ANK3: variants seen among roughly 807,000 people sequenced by gnomAD.
The protein encoded by ANK3 is ankyrin 3.
A neutral mutation model predicts 370.9 loss-of-function variants in ANK3; 57 were observed. That is an observed-to-expected ratio of 0.15 (90% CI 0.12 to 0.19). The LOEUF is 0.19. ANK3 is among the 10% of genes least tolerant of loss of function. The pLI, the probability that ANK3 is intolerant of heterozygous loss-of-function variation, is 1.00. For missense variants in ANK3, 4,439 were observed against 5,302.1 expected (o/e 0.84, Z 5.06); for synonymous variants, 1,929 against 1,946.3 (o/e 0.99, Z 0.23).
intron 2 of ANK3, among the ~76,000 whole-genome samples, chr10:60,425,926 T>C (rs1438162730): frequency 6.6e-6 from 1 of 152,142 alleles, no homozygotes; most frequent in Non-Finnish European, 1.5e-5. Flanking sequence ...CTTTAGGTTC[T>C]CTAGGTCTCA....
chr10:60,682,519 G>T (rs74155686), intron 1 of ANK3, among the ~76,000 whole-genome samples: 1,790 of 152,064 alleles, frequency 0.012, 34 homozygotes, highest in African/African-American at 0.041. Flanking sequence ...GTGTTAGGCC[G>T]CAGGCACAGG....
intron 4 of ANK3, among the ~76,000 whole-genome samples, chr10:60,276,924 G>T (rs902364604): frequency 6.6e-6 from 1 of 152,190 alleles, no homozygotes; most frequent in African/African-American, 2.4e-5. Flanking sequence ...TGCTTCTATT[G>T]TAGTAAGCTG....
intron 42 of ANK3, chr10:60,050,633 C>G (rs1350203267): frequency 6.6e-6 from 1 of 152,192 alleles, no homozygotes; most frequent in African/African-American, 2.4e-5. Flanking sequence ...GTTCTCTGAA[C>G]TCAATTATTC....
chr10:60,733,333 T>C (rs2080055099), exon 1 of ANK3: 3 of 1,233,518 alleles, frequency 2.4e-6, no homozygotes, highest in South Asian at 8.2e-5. Flanking sequence ...GTGGGGCTGC[T>C]GCTGCTGCTC....
chr10:60,623,585 A>G (rs1182386316), intron 1 of ANK3, among the ~76,000 whole-genome samples: 1 of 152,246 alleles, frequency 6.6e-6, no homozygotes, highest in Non-Finnish European at 1.5e-5. Flanking sequence ...AGGGACAAAA[A>G]TGCATTAATA....
At chr10:60,559,929 G>A (rs1391081521) in intron 2 of ANK3, among the ~76,000 whole-genome samples, 1 of 152,082 alleles carries the variant, frequency 6.6e-6, no homozygotes, top group Non-Finnish European at 1.5e-5. Context: ...TATAATCCCA[G>A]CTACTCAGGA....
rs189927213 is a variant in ANK3 at position 60,401,125 on chromosome 10, T to C, written c.97-121486A>G. Reference sequence around the variant, plus strand: ...CATTATGCTAAGTGAAATAAGTCAGTCACAGAAAGACAAATACTGCATGAT... The same window carrying C: ...CATTATGCTAAGTGAAATAAGTCAGCCACAGAAAGACAAATACTGCATGAT... On this transcript the variant is annotated intron_variant, in intron 2 of 43. Coordinates refer to the ANK3 transcript ENST00000373827. Among the ~76,000 whole-genome samples the C allele has an allele frequency of 2.0e-5, 3 of 152,232 alleles. No homozygotes were observed. The East Asian group carries it at 5.8e-4, about 29-fold the overall frequency.
chr10:60,642,178 T>C (rs1179869271), intron 1 of ANK3, among the ~76,000 whole-genome samples: 4 of 151,278 alleles, frequency 2.6e-5, no homozygotes, highest in African/African-American at 4.9e-5. Flanking sequence ...TTTTACACTG[T>C]TGGTGGGACT....
chr10:60,697,555 G>T (rs1327621436), intron 1 of ANK3, among the ~76,000 whole-genome samples: 3 of 146,656 alleles, frequency 2.0e-5, no homozygotes, highest in East Asian at 2.0e-4. Flanking sequence ...CCAAAACAGA[G>T]ATATAGATCA....
intron 1 of ANK3, among the ~76,000 whole-genome samples, chr10:60,701,313 T>G (rs747865993): frequency 1.3e-5 from 2 of 151,812 alleles, no homozygotes; most frequent in Admixed American, 6.6e-5. Flanking sequence ...ACAGTCTCAA[T>G]GAAAGGGAAT....
At chr10:60,686,550 T>C (rs1589026119) in intron 1 of ANK3, among the ~76,000 whole-genome samples, 1 of 152,162 alleles carries the variant, frequency 6.6e-6, no homozygotes, top group East Asian at 1.9e-4. Context: ...AACAAATACT[T>C]GTATAGTACT....
chr10:60,276,889 G>C (rs1211961996), intron 4 of ANK3, among the ~76,000 whole-genome samples: 3 of 152,158 alleles, frequency 2.0e-5, no homozygotes, highest in Non-Finnish European at 4.4e-5. Context: ...GGGGTATTTT[G>C]AAAAACATCC....
intron 2 of ANK3, among the ~76,000 whole-genome samples, chr10:60,419,935 T>C (rs1453064371): frequency 6.6e-6 from 1 of 152,144 alleles, no homozygotes; most frequent in African/African-American, 2.4e-5. Context: ...AGTCATTACC[T>C]TTGTTTTCCT....
chr10:60,520,367 A>C (rs1340910003), intron 2 of ANK3, among the ~76,000 whole-genome samples: 1 of 152,124 alleles, frequency 6.6e-6, no homozygotes, highest in Non-Finnish European at 1.5e-5. Context: ...CCCAAACCTT[A>C]GCATCATGCA....
At chr10:60,678,117 A>C (rs2079150264) in intron 1 of ANK3, among the ~76,000 whole-genome samples, 1 of 152,240 alleles carries the variant, frequency 6.6e-6, no homozygotes, top group Non-Finnish European at 1.5e-5. Context: ...ATTTTCTTAC[A>C]TTCCAGGTAC....
intron 43 of ANK3, among the ~76,000 whole-genome samples, chr10:60,042,233 C>T: frequency 6.6e-6 from 1 of 152,186 alleles, no homozygotes; most frequent in African/African-American, 2.4e-5. Flanking sequence ...CTTGGAAAGT[C>T]ACTTATTTCA....
At chr10:60,709,928 GT>G (rs1355284838) in intron 1 of ANK3, among the ~76,000 whole-genome samples, 7 of 152,206 alleles carry the variant, frequency 4.6e-5, no homozygotes, top group Middle Eastern at 3.4e-3. Flanking sequence ...TACAACATCT[GT>G]TTACAAGATG....
intron 23 of ANK3, among the ~76,000 whole-genome samples, chr10:60,157,216 T>C (rs2095358988): frequency 6.6e-6 from 1 of 152,024 alleles, no homozygotes; most frequent in Admixed American, 6.6e-5. Flanking sequence ...TTTGTATTTT[T>C]AGTAGAGACA....
chr10:60,337,358 T>C (rs2053240801), intron 1 of ANK3, among the ~76,000 whole-genome samples: 1 of 152,124 alleles, frequency 6.6e-6, no homozygotes, highest in Admixed American at 6.6e-5. Context: ...GAATTCTCCA[T>C]TCTTGCCAAG....
Sources: gnomAD v4.1 joint callset for allele counts (sites outside exome capture counted in the v4.1 genomes callset) on GRCh38, gnomAD v4.1.1 for gene constraint, MANE v1.5 for transcripts, NCBI Gene and HGNC (gene_info 2026-07-23, HGNC 2026-07-21) for gene names.